Variants in NUP98 observed in about 807,000 individuals in gnomAD.
The protein encoded by NUP98 is nuclear pore complex protein Nup98-Nup96.
A neutral mutation model predicts 191.9 loss-of-function variants in NUP98; 26 were observed. That is an observed-to-expected ratio of 0.14 (90% CI 0.10 to 0.19). The LOEUF (loss-of-function observed/expected upper bound fraction) is 0.19. NUP98 is among the 10% of genes least tolerant of loss of function. NUP98 has a pLI of 1.00. For missense variants in NUP98, 1,941 were observed against 2,178.8 expected (o/e 0.89, Z 2.17); for synonymous variants, 808 against 778.4 (o/e 1.04, Z -0.63).
At chr11:3,700,939 G>T (rs923535685) in intron 23 of NUP98, 100 bp from the exon 24 acceptor site, 1 of 788,114 alleles carries the variant, frequency 1.3e-6, no homozygotes, top group East Asian at 2.6e-5. Flanking sequence ...GATTACAAAC[G>T]GAATGCAAAC....
In NUP98 at chr11:3,780,246, G is replaced by A. The variant is rs375095051; in HGVS notation, c.77-989C>T. Among the ~76,000 whole-genome samples the A allele has an allele frequency of 4.5e-3, 689 of 151,618 alleles. 4 individuals are homozygous for A. Among genetic ancestry groups the A allele is most frequent in the African/African-American group, 0.016 (642 of 41,320 alleles). On this transcript the variant is annotated intron_variant, in intron 2 of 32. Transcript: ENST00000324932. ...CCACTTAAGAAAACTTCCCTGCCAG[G>A]TGCGGGGAAGTTACAGGCTCACGCC... is the stretch of plus-strand genomic sequence containing the variant.
chr11:3,790,508 C>G (rs1013100926), intron 1 of NUP98, among the ~76,000 whole-genome samples: 1 of 152,168 alleles, frequency 6.6e-6, no homozygotes, highest in South Asian at 2.1e-4. Flanking sequence ...ACCATTTTCA[C>G]AATAAAACTA....
chr11:3,685,719 C>T (rs1199623239), intron 29 of NUP98, among the ~76,000 whole-genome samples: 1 of 152,150 alleles, frequency 6.6e-6, no homozygotes, highest in African/African-American at 2.4e-5. Context: ...CTTTTTTTCT[C>T]AGACTGCTGA....
intron 21 of NUP98, among the ~76,000 whole-genome samples, chr11:3,705,871 C>T (rs953689715): frequency 2.6e-5 from 4 of 151,498 alleles, no homozygotes; most frequent in Non-Finnish European, 4.4e-5. Context: ...GGATTGGGGC[C>T]GGGCTCAGTG....
intron 13 of NUP98, 42 bp from the exon 14 acceptor site, chr11:3,731,620 A>C: frequency 7.0e-7 from 1 of 1,420,540 alleles, no homozygotes; most frequent in Middle Eastern, 2.5e-4. Flanking sequence ...GTTTACTTTA[A>C]ATGTACTGCA....
In NUP98 at chr11:3,702,472, G is replaced by C. The variant is rs751697571; in HGVS notation, c.3503C>G (p.Ala1168Gly). 6.2e-7 allele frequency: 1 copy of C among 1,612,666 alleles called. No homozygotes were observed. Among genetic ancestry groups the C allele is most frequent in the Non-Finnish European group, 8.5e-7 (1 of 1,179,196 alleles). Residue 1168 changes from alanine to glycine, a missense_variant, in exon 23 of 33, where the codon GCT becomes GGT. Physicochemically the swap from Ala to Gly is moderately conservative, Grantham distance 60. This residue lies in a region of NUP98 where 1,030 missense variants were observed against 1,115.8 expected (regional missense o/e 0.92). Transcript: ENST00000324932. ...MEFGFLPNPV[A>G]VKPLTESPFK... ...AAGAAATGTGACTCACGGTTTAACAGCTACTGGATTGGGCAGGAATCCAAA... is the reference window on the plus strand; with the variant it reads ...AAGAAATGTGACTCACGGTTTAACACCTACTGGATTGGGCAGGAATCCAAA...
chr11:3,771,870 G>C lies in NUP98; in HGVS notation c.662C>G (p.Ala221Gly). The change falls in exon 7 of 33, where the codon GCA (alanine) becomes GGA (glycine). Residue 221 changes from alanine (A) to glycine (G), a missense_variant. Coordinates refer to ENST00000324932, the MANE Select transcript of NUP98 (RefSeq NM_016320.5). ...NRKGPQNQVG[A>G]GTTTGLFGSS... ...CCCAAACAAGCCAGTTGTGGTACCTGCTCCCACCTGGTTCTGTGGGCCCTT... is the reference window on the plus strand; with the variant it reads ...CCCAAACAAGCCAGTTGTGGTACCTCCTCCCACCTGGTTCTGTGGGCCCTT... 1 of 1,614,134 alleles carries C rather than the reference G, an allele frequency of 6.2e-7. No homozygotes were observed. The highest frequency in any genetic ancestry group is 8.5e-7 in the Non-Finnish European group (1 of 1,180,002).
intron 1 of NUP98, among the ~76,000 whole-genome samples, chr11:3,785,422 G>A (rs1437342068): frequency 6.6e-6 from 1 of 152,100 alleles, no homozygotes; most frequent in Non-Finnish European, 1.5e-5. Flanking sequence ...TGTGACTACT[G>A]ACATAATCAG....
chr11:3,711,964 TCCCG>T (rs1378401627), intron 20 of NUP98: 1 of 1,044,142 alleles, frequency 9.6e-7, no homozygotes, highest in Non-Finnish European at 1.2e-6. Context: ...TACAAAGAAA[TCCCG>T]TATCAATGAT....
In NUP98 at chr11:3,701,685, TTC is replaced by T. The variant is rs529615901; in HGVS notation, c.3512+776_3512+777del. Among the ~76,000 whole-genome samples, 380 of 151,958 alleles carry T rather than the reference TTC, an allele frequency of 2.5e-3. 1 individual carries two copies. The highest frequency in any genetic ancestry group is 8.5e-3 in the African/African-American group (352 of 41,456). On this transcript the variant is annotated intron_variant, in intron 23 of 32. Transcript: ENST00000324932. ...GACATTGTTGTTTTTTCTTTTTCTT[TTC>T]TCTCTTTTTTTTTTTTGAGACTGAG...
At chr11:3,761,746 G>A (rs912514012) in intron 9 of NUP98, among the ~76,000 whole-genome samples, 2 of 151,722 alleles carry the variant, frequency 1.3e-5, no homozygotes, top group Non-Finnish European at 2.9e-5. Flanking sequence ...GGCAACAGGC[G>A]AGACTCCGTC....
chr11:3,739,905 C>T (rs1282900067), intron 12 of NUP98, among the ~76,000 whole-genome samples: 1 of 152,196 alleles, frequency 6.6e-6, no homozygotes. Context: ...AAGACCAACA[C>T]CTTCCTCCAC....
intron 21 of NUP98, 118 bp downstream of exon 21, chr11:3,706,327 C>T: frequency 3.5e-6 from 3 of 862,356 alleles, no homozygotes; most frequent in Non-Finnish European, 5.5e-6. Context: ...TATTTTTTTT[C>T]CCCATTACAG....
intron 31 of NUP98, 121 bp from the exon 32 acceptor site, chr11:3,676,741 G>T: frequency 1.2e-6 from 1 of 836,984 alleles, no homozygotes; most frequent in Non-Finnish European, 2.1e-6. Flanking sequence ...AATCCAAGAT[G>T]ATGACACAGG....
intron 1 of NUP98, among the ~76,000 whole-genome samples, chr11:3,795,858 T>C (rs2082517849): frequency 6.6e-6 from 1 of 152,218 alleles, no homozygotes; most frequent in African/African-American, 2.4e-5. Context: ...ACGGTTCTCT[T>C]CTGCACTACT....
chr11:3,754,847 CAGG>C (rs1472444450), intron 10 of NUP98, among the ~76,000 whole-genome samples: 2 of 147,078 alleles, frequency 1.4e-5, no homozygotes, highest in Non-Finnish European at 3.0e-5. Context: ...GAGGCTGAAG[CAGG>C]AGAATTGCTT....
rs1486800427 is a variant in NUP98, at chr11:3,686,109, C to G, written c.4540G>C (p.Val1514Leu). 3.1e-6 allele frequency: 5 copies of G among 1,614,246 alleles called. No individual in the cohort carries two copies. The South Asian group carries it at 5.5e-5, about 18-fold the overall frequency. The change falls in exon 29 of 33, where the codon GTG becomes CTG. Residue 1514 changes from valine to leucine, a missense_variant. By Grantham distance (32) the Val-to-Leu change is conservative. Transcript: ENST00000324932. ...DYRLSWHLWEVLRALNYTHLS... is the reference protein window; with the variant it reads ...DYRLSWHLWELLRALNYTHLS... ...TGGGTGTAGTTAAGAGCCCTCAGCACTTCCCACAAGTGCCAGCTTAGGCGG... is the reference window on the plus strand; with the variant it reads ...TGGGTGTAGTTAAGAGCCCTCAGCAGTTCCCACAAGTGCCAGCTTAGGCGG...
At chr11:3,707,193 A>G (rs1183656760) in intron 20 of NUP98, among the ~76,000 whole-genome samples, 10 of 152,092 alleles carry the variant, frequency 6.6e-5, no homozygotes, top group Admixed American at 5.9e-4. Flanking sequence ...AGCACTATCT[A>G]CTCTTCCAAA....
chr11:3,686,684 G>A (rs768112931), intron 28 of NUP98, among the ~76,000 whole-genome samples: 4 of 152,006 alleles, frequency 2.6e-5, no homozygotes, highest in South Asian at 2.1e-4. Context: ...CCACCATCAC[G>A]ATCAAGAAAA....
Sources: gnomAD v4.1 joint callset for allele counts (sites outside exome capture counted in the v4.1 genomes callset) on GRCh38, gnomAD v4.1.1 for gene constraint, gnomAD v4.1.1 regional missense constraint, MANE v1.5 for transcripts, NCBI Gene and HGNC (gene_info 2026-07-23, HGNC 2026-07-21) for gene names.